The following USH2A variants were observed in gnomAD, a reference collection of about 807,000 sequenced individuals.
USH2A encodes the protein Usher syndrome 2A (autosomal recessive, mild).
In USH2A, 443 loss-of-function variants were observed where a neutral mutation model predicts 538.9. The ratio of observed to expected loss-of-function variants is 0.82; its 90% CI spans 0.76 to 0.89. USH2A has a LOEUF of 0.89. Among genes scored for constraint, USH2A ranks in the 40% least tolerant of loss-of-function variants. USH2A has a pLI of 0.00. For missense variants in USH2A, 6,633 were observed against 6,324.8 expected (o/e 1.05, Z -1.65); for synonymous variants, 2,413 against 2,273.5 (o/e 1.06, Z -1.75).
intron 13 of USH2A, among the ~76,000 whole-genome samples, chr1:216,234,479 T>C (rs2035768075): frequency 6.6e-6 from 1 of 152,180 alleles, no homozygotes; most frequent in East Asian, 1.9e-4. Context: ...TTAGTATATA[T>C]TCTTGTACCT....
At chr1:216,310,701 A>T (rs1407466055) in intron 9 of USH2A, among the ~76,000 whole-genome samples, 1 of 152,084 alleles carries the variant, frequency 6.6e-6, no homozygotes, top group African/African-American at 2.4e-5. Context: ...TAAAATTTCA[A>T]TCTCTGTTAA....
Position 216,347,019 on chromosome 1 carries a change from TA to T in USH2A, c.784+17933del, listed in dbSNP as rs1480089264. ...AATGTTTGGGAAATAAAAACAGCTT[TA>T]AAAATTATTGATAAAATAAAGACAT... On this transcript the variant is annotated intron_variant, in intron 4 of 71. Coordinates refer to ENST00000307340, the MANE Select transcript of USH2A (RefSeq NM_206933.4). 5.9e-5 allele frequency among the ~76,000 whole-genome samples: 9 copies of T among 152,222 alleles called. No homozygotes were observed. The East Asian group carries it at 1.6e-3, about 26-fold the overall frequency.
intron 63 of USH2A, among the ~76,000 whole-genome samples, chr1:215,672,462 T>C (rs1657849440): frequency 6.6e-6 from 1 of 152,190 alleles, no homozygotes; most frequent in Non-Finnish European, 1.5e-5. Flanking sequence ...ATCTCCACCA[T>C]GACAGGGCTA....
At chr1:216,302,632 T>C (rs2102624518) in intron 9 of USH2A, among the ~76,000 whole-genome samples, 1 of 152,198 alleles carries the variant, frequency 6.6e-6, no homozygotes, top group East Asian at 1.9e-4. Flanking sequence ...TGATCAAACA[T>C]AGGTGACAAT....
intron 46 of USH2A, among the ~76,000 whole-genome samples, chr1:215,842,596 G>A (rs558602715): frequency 6.6e-5 from 10 of 152,136 alleles, no homozygotes; most frequent in African/African-American, 2.4e-4. Context: ...AAGAAAATGT[G>A]GTACATGTAC....
At chr1:216,240,289 G>A (rs1391793463) in intron 13 of USH2A, among the ~76,000 whole-genome samples, 1 of 152,168 alleles carries the variant, frequency 6.6e-6, no homozygotes, top group African/African-American at 2.4e-5. Flanking sequence ...ACTAAAGAAA[G>A]TCTGGACTCA....
intron 47 of USH2A, among the ~76,000 whole-genome samples, chr1:215,834,294 T>A (rs1663412615): frequency 6.6e-6 from 1 of 152,066 alleles, no homozygotes; most frequent in African/African-American, 2.4e-5. Flanking sequence ...TTATCCAAAC[T>A]GTGCACAAAC....
chr1:216,333,297 T>C (rs2037905276), intron 4 of USH2A, among the ~76,000 whole-genome samples: 1 of 151,582 alleles, frequency 6.6e-6, no homozygotes, highest in African/African-American at 2.4e-5. Flanking sequence ...AAAAAATAAA[T>C]AGAAAATAGA....
chr1:215,807,882 A>C (rs538910895), intron 49 of USH2A, among the ~76,000 whole-genome samples: 3 of 151,902 alleles, frequency 2.0e-5, no homozygotes, highest in African/African-American at 7.2e-5. Flanking sequence ...ATTACTAAAC[A>C]TTTTTTTTCT....
At chr1:216,286,696 C>G (rs138974945) in intron 11 of USH2A, among the ~76,000 whole-genome samples, 13 of 152,094 alleles carry the variant, frequency 8.5e-5, no homozygotes, top group African/African-American at 3.1e-4. Flanking sequence ...TGCACTCCAG[C>G]CTGGGTGACA....
At chr1:215,717,449 T>C (rs1659517637) in intron 61 of USH2A, among the ~76,000 whole-genome samples, 1 of 152,162 alleles carries the variant, frequency 6.6e-6, no homozygotes, top group Admixed American at 6.5e-5. Context: ...GATTCAGGAG[T>C]ATGGGCTAGA....
intron 35 of USH2A, among the ~76,000 whole-genome samples, chr1:215,983,397 T>C (rs927927233): frequency 1.3e-5 from 2 of 152,170 alleles, no homozygotes; most frequent in Admixed American, 1.3e-4. Context: ...GATATATCAA[T>C]AAGTTGATTA....
Position 216,134,839 on chromosome 1 carries a change from C to G in USH2A, c.4628-37626G>C, listed in dbSNP as rs113861660. On this transcript the variant is annotated intron_variant, in intron 21 of 71. Coordinates refer to ENST00000307340, the MANE Select transcript of USH2A (RefSeq NM_206933.4). ...TGTCTGTAAGAATTCTGAAATAAGG[C>G]TGTCAAGAATCGATGGCAAGTAAAG... is the stretch of plus-strand genomic sequence containing the variant. Among the ~76,000 whole-genome samples, 661 of 152,176 alleles carry G rather than the reference C, an allele frequency of 4.3e-3. 1 individual carries two copies. The highest frequency in any genetic ancestry group is 0.015 in the African/African-American group (635 of 41,538).
At chr1:216,287,066 T>G (rs1292444287) in intron 11 of USH2A, among the ~76,000 whole-genome samples, 1 of 152,154 alleles carries the variant, frequency 6.6e-6, no homozygotes. Context: ...AAATAAAATT[T>G]AACAATATAT....
chr1:215,821,097 A>G (rs550542695), intron 47 of USH2A, among the ~76,000 whole-genome samples: 22 of 151,854 alleles, frequency 1.4e-4, no homozygotes, highest in African/African-American at 5.1e-4. Flanking sequence ...TCTTTTGGAT[A>G]TACACCCAGT....
chr1:216,003,596 G>A lies in USH2A; in HGVS notation c.6326-3034C>T, dbSNP rs566682778. ...CAAGCAGAGCAAAGCTGTGGAAGGA[G>A]GGACATGCCTGACACTCTTGAGGAC... On this transcript the variant is annotated intron_variant, in intron 32 of 71. Coordinates refer to ENST00000307340, the MANE Select transcript of USH2A (RefSeq NM_206933.4). Among the ~76,000 whole-genome samples, 38 of 152,182 alleles carry A rather than the reference G, an allele frequency of 2.5e-4. 1 individual carries two copies. In the East Asian group the frequency reaches 7.0e-3, roughly 28 times the overall value.
At position 216,089,032 on chromosome 1, in the gene USH2A, A is replaced by G; in HGVS notation, c.4866T>C (p.Thr1622=). 1 of 1,613,496 alleles carries G rather than the reference A, an allele frequency of 6.2e-7. No homozygotes were observed. The highest frequency in any genetic ancestry group is 1.1e-5 in the South Asian group (1 of 91,076). ...AIRHQAFGQI[T]LDGIYTGSSA... ...ACTTACCTGTATATATCCCATCCAGAGTGATTTGGCCAAAAGCCTGATGCC... is the reference window on the plus strand; with the variant it reads ...ACTTACCTGTATATATCCCATCCAGGGTGATTTGGCCAAAAGCCTGATGCC... Residue 1622 remains threonine, a synonymous_variant, in exon 23 of 72, where the codon ACT becomes ACC. Transcript: ENST00000307340.
At chr1:215,715,909 A>ATTTTC (rs1659468844) in intron 61 of USH2A, among the ~76,000 whole-genome samples, 1 of 152,188 alleles carries the variant, frequency 6.6e-6, no homozygotes, top group Non-Finnish European at 1.5e-5. Context: ...TTTGGACCAT[A>ATTTTC]TGGCTCAATT....
intron 11 of USH2A, among the ~76,000 whole-genome samples, chr1:216,288,988 A>G (rs977629156): frequency 6.6e-6 from 1 of 152,142 alleles, no homozygotes. Context: ...TAATTCACCA[A>G]TAATTCCAAG....
Sources: gnomAD v4.1 joint callset for allele counts (sites outside exome capture counted in the v4.1 genomes callset) on GRCh38, gnomAD v4.1.1 for gene constraint, MANE v1.5 for transcripts, NCBI Gene and HGNC (gene_info 2026-07-23, HGNC 2026-07-21) for gene names.